COL5A2: variants seen among roughly 807,000 people sequenced by gnomAD.
The protein encoded by COL5A2 is collagen type V alpha 2 chain.
A neutral mutation model predicts 208.2 loss-of-function variants in COL5A2; 23 were observed. The ratio of observed to expected loss-of-function variants is 0.11; its 90% CI spans 0.08 to 0.16. COL5A2 has a LOEUF of 0.16. Ranked by LOEUF, COL5A2 falls within the 10% of genes least tolerant of loss-of-function variation. The pLI, the probability that COL5A2 is intolerant of heterozygous loss-of-function variation, is 1.00. For missense variants in COL5A2, 1,590 were observed against 1,956.4 expected (o/e 0.81, Z 3.53); for synonymous variants, 625 against 628.5 (o/e 0.99, Z 0.08).
the COL5A2 span, among the ~76,000 whole-genome samples, chr2:189,419,634 A>T: frequency 8.0e-5 from 12 of 149,070 alleles, no homozygotes; most frequent in Admixed American, 2.0e-4. Context: ...CCACAAAATA[A>T]TTTTTTTTTT....
intron 50 of COL5A2, among the ~76,000 whole-genome samples, chr2:189,041,043 T>C (rs913460786): frequency 1.3e-5 from 2 of 152,164 alleles, no homozygotes; most frequent in Non-Finnish European, 2.9e-5. Flanking sequence ...AGTACACCTG[T>C]GCATGGAAGA....
At chr2:189,143,029 A>C (rs1305007777) in intron 1 of COL5A2, among the ~76,000 whole-genome samples, 2 of 152,202 alleles carry the variant, frequency 1.3e-5, no homozygotes, top group African/African-American at 4.8e-5. Flanking sequence ...ATGTGTAACA[A>C]ATAAATTTCT....
the COL5A2 span, among the ~76,000 whole-genome samples, chr2:189,354,414 C>CT: frequency 2.0e-5 from 3 of 152,038 alleles, no homozygotes; most frequent in African/African-American, 2.4e-5. Context: ...AGGTCCTGGA[C>CT]TTTTTTTGTT....
At chr2:189,318,011 T>TTTTG in the COL5A2 span, among the ~76,000 whole-genome samples, 10 of 152,198 alleles carry the variant, frequency 6.6e-5, no homozygotes, top group Admixed American at 1.3e-4. Flanking sequence ...TAGGAAAGTT[T>TTTTG]TTTGTTTGTT....
chr2:189,080,117 T>C (rs1686498765), intron 13 of COL5A2, 86 bp from the exon 14 acceptor site: 1 of 1,006,814 alleles, frequency 9.9e-7, no homozygotes, highest in African/African-American at 1.6e-5. Flanking sequence ...CTTGCAGAAA[T>C]TGCCTTATAA....
At chr2:189,218,768 T>C (rs1304176231) in intron 1 of COL5A2, among the ~76,000 whole-genome samples, 3 of 152,306 alleles carry the variant, frequency 2.0e-5, no homozygotes, top group South Asian at 2.1e-4. Flanking sequence ...AGGTTCTCAT[T>C]GACGCCTAGT....
the COL5A2 span, among the ~76,000 whole-genome samples, chr2:189,364,586 C>CT: frequency 6.6e-6 from 1 of 151,850 alleles, no homozygotes; most frequent in Non-Finnish European, 1.5e-5. Context: ...ACTCGGAAGG[C>CT]TGAGGCAGGA....
chr2:189,140,446 T>G (rs1249587299), intron 1 of COL5A2, among the ~76,000 whole-genome samples: 1 of 152,104 alleles, frequency 6.6e-6, no homozygotes, highest in Non-Finnish European at 1.5e-5. Context: ...CATTATATTA[T>G]AAAACAAAGA....
At chr2:189,352,875 C>G in the COL5A2 span, among the ~76,000 whole-genome samples, 4 of 152,172 alleles carry the variant, frequency 2.6e-5, no homozygotes, top group African/African-American at 9.7e-5. Flanking sequence ...CGGCTATGTT[C>G]TGAATGGCAC....
At chr2:189,192,376 G>A (rs1688942269) in intron 1 of COL5A2, among the ~76,000 whole-genome samples, 1 of 152,116 alleles carries the variant, frequency 6.6e-6, no homozygotes, top group African/African-American at 2.4e-5. Flanking sequence ...CTGGAAGTAG[G>A]TCTTTGGGAA....
chr2:189,337,871 TCA>T, the COL5A2 span, among the ~76,000 whole-genome samples: 1 of 151,992 alleles, frequency 6.6e-6, no homozygotes. Flanking sequence ...ATTTTATGAC[TCA>T]CAGATATTCC....
the COL5A2 span, among the ~76,000 whole-genome samples, chr2:189,368,968 T>A: frequency 1.3e-5 from 2 of 152,188 alleles, no homozygotes; most frequent in Admixed American, 6.5e-5. Context: ...GTCACCTATC[T>A]ACTACAATAC....
the COL5A2 span, among the ~76,000 whole-genome samples, chr2:189,368,985 C>G: frequency 6.6e-6 from 1 of 152,174 alleles, no homozygotes; most frequent in African/African-American, 2.4e-5. Context: ...ATACAGTAAA[C>G]AGAAGTGATT....
chr2:189,387,474 T>G, the COL5A2 span, among the ~76,000 whole-genome samples: 1 of 152,060 alleles, frequency 6.6e-6, no homozygotes, highest in African/African-American at 2.4e-5. Flanking sequence ...AATAAAACTT[T>G]AAAAAGGGAA....
chr2:189,187,423 C>T (rs1446753483), intron 1 of COL5A2, among the ~76,000 whole-genome samples: 1 of 152,134 alleles, frequency 6.6e-6, no homozygotes, highest in Admixed American at 6.5e-5. Flanking sequence ...TAAATGCTGG[C>T]CCCACCACTT....
intron 1 of COL5A2, among the ~76,000 whole-genome samples, chr2:189,203,642 C>G (rs767876647): frequency 4.6e-5 from 7 of 152,164 alleles, no homozygotes; most frequent in Non-Finnish European, 8.8e-5. Flanking sequence ...TACATGGTTA[C>G]AGTTCTTTTC....
chr2:189,361,707 T>C, the COL5A2 span, among the ~76,000 whole-genome samples: 1 of 152,134 alleles, frequency 6.6e-6, no homozygotes, highest in Non-Finnish European at 1.5e-5. Flanking sequence ...TCTTTTGCCA[T>C]ATTCCTTTGT....
intron 3 of COL5A2, among the ~76,000 whole-genome samples, chr2:189,100,525 A>C (rs1164755649): frequency 1.3e-5 from 2 of 151,854 alleles, no homozygotes; most frequent in Non-Finnish European, 2.9e-5. Context: ...TAATACATAA[A>C]AATTAATATA....
At chr2:189,432,016 A>T in the COL5A2 span, among the ~76,000 whole-genome samples, 1 of 152,200 alleles carries the variant, frequency 6.6e-6, no homozygotes, top group Non-Finnish European at 1.5e-5. Flanking sequence ...AAACCCTACA[A>T]GCCAGAAAAG....
Sources: allele counts gnomAD v4.1 joint callset (sites outside exome capture counted in the v4.1 genomes callset), GRCh38; gene constraint gnomAD v4.1.1; transcripts MANE v1.5; gene names NCBI Gene and HGNC (gene_info 2026-07-23, HGNC 2026-07-21).